FRMD5: variants seen among roughly 807,000 people sequenced by gnomAD.
FRMD5 encodes FERM domain-containing protein 5.
Under a neutral mutation model 69.0 loss-of-function variants are expected in FRMD5, and 20 were observed. That is an observed-to-expected ratio of 0.29 (90% CI 0.20 to 0.42). The LOEUF (loss-of-function observed/expected upper bound fraction) is 0.42, where lower values mean the gene tolerates loss of function less well. FRMD5 is among the 10% of genes least tolerant of loss of function. FRMD5 has a pLI of 1.00. For missense variants in FRMD5, 595 were observed against 708.6 expected (o/e 0.84, Z 1.82); for synonymous variants, 271 against 260.1 (o/e 1.04, Z -0.40).
intron 1 of FRMD5, among the ~76,000 whole-genome samples, chr15:44,045,102 G>C (rs936850121): frequency 5.3e-5 from 8 of 152,232 alleles, no homozygotes; most frequent in African/African-American, 1.7e-4. Flanking sequence ...ATTTCATTTA[G>C]AACTAATCTG....
chr15:44,045,290 C>G (rs1892378733), intron 1 of FRMD5, among the ~76,000 whole-genome samples: 1 of 152,142 alleles, frequency 6.6e-6, no homozygotes, highest in African/African-American at 2.4e-5. Flanking sequence ...ACCATTTGTC[C>G]TAGATATTTT....
chr15:44,087,861 C>A (rs914317050), intron 1 of FRMD5, among the ~76,000 whole-genome samples: 2 of 152,014 alleles, frequency 1.3e-5, no homozygotes, highest in Non-Finnish European at 2.9e-5. Flanking sequence ...TGTTCAAACT[C>A]TTTGGGGAAT....
chr15:43,902,337 G>C (rs1222455150), intron 6 of FRMD5, 75 bp from the exon 7 acceptor site: 3 of 1,237,270 alleles, frequency 2.4e-6, no homozygotes, highest in Non-Finnish European at 3.6e-6. Flanking sequence ...TCTCTATGAA[G>C]ATGTGCTTAG....
At chr15:43,977,896 CAG>C (rs962565066) in intron 1 of FRMD5, among the ~76,000 whole-genome samples, 1 of 152,160 alleles carries the variant, frequency 6.6e-6, no homozygotes, top group African/African-American at 2.4e-5. Flanking sequence ...ATACCTTTAA[CAG>C]ACAGTAACAA....
intron 1 of FRMD5, among the ~76,000 whole-genome samples, chr15:44,033,519 A>G (rs1891777739): frequency 6.6e-6 from 1 of 152,352 alleles, no homozygotes; most frequent in South Asian, 2.1e-4. Context: ...AATGAACTTA[A>G]TATTTTCATA....
At chr15:44,094,417 G>C (rs2076521499) in intron 1 of FRMD5, among the ~76,000 whole-genome samples, 1 of 152,022 alleles carries the variant, frequency 6.6e-6, no homozygotes, top group South Asian at 2.1e-4. Flanking sequence ...CCCTCTTTCT[G>C]CTAAGGCTAG....
intron 1 of FRMD5, among the ~76,000 whole-genome samples, chr15:44,142,167 T>C (rs1046456292): frequency 6.6e-6 from 1 of 152,188 alleles, no homozygotes; most frequent in African/African-American, 2.4e-5. Context: ...CCTAGAGACA[T>C]AACAGAAAAT....
chr15:43,986,388 G>T (rs2140641300), intron 1 of FRMD5, among the ~76,000 whole-genome samples: 1 of 152,316 alleles, frequency 6.6e-6, no homozygotes, highest in East Asian at 1.9e-4. Context: ...ATAGCTAACT[G>T]TGAGATTATT....
At position 44,195,159 on chromosome 15, in the gene FRMD5, AC is replaced by A. The variant is rs2078269893; in HGVS notation, c.-106del. ...ACCGACCCCAGGCACCTGCACCATCACCCCGGCCCCGTCGCTGCCGTTGCCT... is the reference window on the plus strand; with the variant it reads ...ACCGACCCCAGGCACCTGCACCATCACCCGGCCCCGTCGCTGCCGTTGCCT... On this transcript the variant is annotated 5_prime_UTR_variant, in exon 1 of 14. Transcript: ENST00000417257. The A allele has an allele frequency of 2.4e-6, 2 of 838,152 alleles. No homozygotes were observed. Among genetic ancestry groups the A allele is most frequent in the Non-Finnish European group, 3.5e-6 (2 of 573,028 alleles). The allele number at this position is 838,152 out of a possible 1,614,324, so 51.9% of individuals were successfully genotyped here.
chr15:44,020,089 CAT>C (rs1265545782), intron 1 of FRMD5, among the ~76,000 whole-genome samples: 1 of 151,870 alleles, frequency 6.6e-6, no homozygotes, highest in Non-Finnish European at 1.5e-5. Context: ...AACCAACCAA[CAT>C]ATGAGGTAAA....
chr15:43,924,001 C>A (rs922324169), intron 2 of FRMD5, among the ~76,000 whole-genome samples: 1 of 152,218 alleles, frequency 6.6e-6, no homozygotes, highest in Non-Finnish European at 1.5e-5. Context: ...ATTTCAGCAA[C>A]TGTAAAATGA....
chr15:43,967,424 G>T (rs1194455907), intron 1 of FRMD5, among the ~76,000 whole-genome samples: 1 of 151,852 alleles, frequency 6.6e-6, no homozygotes, highest in Non-Finnish European at 1.5e-5. Context: ...GTAGAGACAG[G>T]GTTTCACCAT....
upstream of FRMD5, chr15:44,195,385 G>A (rs2078276688): frequency 2.6e-6 from 1 of 384,102 alleles, no homozygotes; most frequent in Non-Finnish European, 4.7e-6. Context: ...AGCCAATCGA[G>A]ATAGAGTACT....
intron 1 of FRMD5, among the ~76,000 whole-genome samples, chr15:43,950,905 T>C (rs1445481760): frequency 6.6e-6 from 1 of 152,208 alleles, no homozygotes. Context: ...CAGGGATATA[T>C]AGTCTTCAAT....
At chr15:43,972,546 T>C (rs1469555914) in intron 1 of FRMD5, among the ~76,000 whole-genome samples, 4 of 152,158 alleles carry the variant, frequency 2.6e-5, no homozygotes, top group African/African-American at 9.7e-5. Context: ...AAAAGGTACC[T>C]CTTCCTCTGG....
intron 1 of FRMD5, among the ~76,000 whole-genome samples, chr15:43,925,816 C>T (rs1167358022): frequency 6.6e-6 from 1 of 152,238 alleles, no homozygotes; most frequent in Non-Finnish European, 1.5e-5. Context: ...TCTGCAGCCA[C>T]TCCTATTTTT....
At chr15:43,962,933 G>T (rs2090228441) in intron 1 of FRMD5, among the ~76,000 whole-genome samples, 1 of 152,178 alleles carries the variant, frequency 6.6e-6, no homozygotes, top group South Asian at 2.1e-4. Context: ...TTACATGTTA[G>T]ACCTAAAACC....
intron 1 of FRMD5, among the ~76,000 whole-genome samples, chr15:44,174,959 G>A (rs2077868742): frequency 6.6e-6 from 1 of 151,944 alleles, no homozygotes; most frequent in Non-Finnish European, 1.5e-5. Context: ...ATGCATGCGG[G>A]GCTTAAAACC....
rs533023960 is a variant in FRMD5 at position 43,914,723 on chromosome 15, CT to C, written c.329+4735del. 1.4e-3 allele frequency among the ~76,000 whole-genome samples: 148 copies of C among 109,364 alleles called. 3 individuals carry two copies. Among genetic ancestry groups the C allele is most frequent in the East Asian group, 0.012 (45 of 3,662 alleles). The allele number at this position is 109,364 out of a possible 152,430, so 71.7% of individuals were successfully genotyped here. ...CCCAGCAACTCTATGAGGTGACTAC[CT>C]TTTTTTTTTTTTTTTTTTTTGAGAT... On this transcript the variant is annotated intron_variant, in intron 4 of 13. Transcript: ENST00000417257.
Sources: gnomAD v4.1 joint callset for allele counts (sites outside exome capture counted in the v4.1 genomes callset) on GRCh38, gnomAD v4.1.1 for gene constraint, MANE v1.5 for transcripts, NCBI Gene and HGNC (gene_info 2026-07-23, HGNC 2026-07-21) for gene names.